OPRM1: variants seen among roughly 807,000 people sequenced by gnomAD.
The protein encoded by OPRM1 is mu-type opioid receptor.
A neutral mutation model predicts 31.8 loss-of-function variants in OPRM1; 27 were observed. The observed-to-expected ratio is 0.85, with a 90% CI of 0.63 to 1.17. The LOEUF (loss-of-function observed/expected upper bound fraction) is 1.17. Ranked by LOEUF, OPRM1 falls within the 50% of genes most tolerant of loss-of-function variation. The pLI, the probability that OPRM1 is intolerant of heterozygous loss-of-function variation, is 0.00. For synonymous variants in OPRM1, 196 were observed against 189.9 expected, an observed-to-expected ratio of 1.03 and a Z score of -0.26; for missense variants, 536 against 511.1, an observed-to-expected ratio of 1.05 and a Z score of -0.47.
At chr6:154,231,745 G>C (rs978596306) in intron 3 of OPRM1, among the ~76,000 whole-genome samples, 14 of 152,188 alleles carry the variant, frequency 9.2e-5, no homozygotes, top group Admixed American at 6.5e-4. Flanking sequence ...GAAGAAAGAG[G>C]ATAGAGAACA....
intron 1 of OPRM1, among the ~76,000 whole-genome samples, chr6:154,076,422 G>A (rs1463983549): frequency 1.3e-5 from 2 of 152,120 alleles, no homozygotes; most frequent in South Asian, 2.1e-4. Flanking sequence ...ATTCATAGAC[G>A]AGGCAGTACA....
intron 3 of OPRM1, among the ~76,000 whole-genome samples, chr6:154,149,962 G>T (rs1247682014): frequency 6.6e-6 from 1 of 152,172 alleles, no homozygotes; most frequent in African/African-American, 2.4e-5. Context: ...TTTTAATGAT[G>T]CTAATAGCCC....
At chr6:154,078,766 C>T (rs1435329095) in intron 1 of OPRM1, among the ~76,000 whole-genome samples, 4 of 152,026 alleles carry the variant, frequency 2.6e-5, no homozygotes, top group Non-Finnish European at 4.4e-5. Context: ...GTGGTCCCAG[C>T]TACTTGGGAG....
Position 154,197,555 on chromosome 6 carries a change from A to T in OPRM1, c.1165-49138A>T, listed in dbSNP as rs145880873. Among the ~76,000 whole-genome samples the T allele has an allele frequency of 5.7e-3, 864 of 152,340 alleles. 5 individuals carry two copies. Among genetic ancestry groups the T allele is most frequent in the African/African-American group, 0.02 (821 of 41,574 alleles). On this transcript the variant is annotated intron_variant, in intron 3 of 3. Coordinates refer to the OPRM1 transcript ENST00000337049. Reference sequence around the variant, plus strand: ...TTGAGCTGTTTGAAGAAGTATACAGATTTTGCTGGTCACTCTGCATGTAAC... The same window carrying T: ...TTGAGCTGTTTGAAGAAGTATACAGTTTTTGCTGGTCACTCTGCATGTAAC...
intron 1 of OPRM1, among the ~76,000 whole-genome samples, chr6:154,079,758 G>A (rs532850808): frequency 6.6e-6 from 1 of 152,202 alleles, no homozygotes; most frequent in African/African-American, 2.4e-5. Context: ...TGCCCAGGCT[G>A]GAGTGCAGTG....
chr6:154,232,451 C>T (rs894347820), intron 3 of OPRM1, among the ~76,000 whole-genome samples: 2 of 151,996 alleles, frequency 1.3e-5, no homozygotes, highest in East Asian at 3.9e-4. Context: ...GAAAATTAAT[C>T]CCATGCCAAG....
upstream of OPRM1, among the ~76,000 whole-genome samples, chr6:154,036,125 C>A (rs565816177): frequency 3.9e-5 from 6 of 152,082 alleles, no homozygotes; most frequent in South Asian, 1.2e-3. Flanking sequence ...CATAGGGAAA[C>A]TCTGAAATAA....
At chr6:154,153,834 C>T (rs749133657) in intron 3 of OPRM1, among the ~76,000 whole-genome samples, 44 of 152,268 alleles carry the variant, frequency 2.9e-4, no homozygotes, top group Middle Eastern at 3.4e-3. Flanking sequence ...AATGGATTCT[C>T]CCCCAGAGCC....
At chr6:154,035,399 A>G (rs996936398), upstream of OPRM1, among the ~76,000 whole-genome samples, 1 of 152,166 alleles carries the variant, frequency 6.6e-6, no homozygotes, top group Non-Finnish European at 1.5e-5. Context: ...CAAGGATAAT[A>G]TTGTATCACA....
At chr6:154,174,101 C>T (rs1800099096) in intron 3 of OPRM1, among the ~76,000 whole-genome samples, 1 of 152,082 alleles carries the variant, frequency 6.6e-6, no homozygotes, top group Non-Finnish European at 1.5e-5. Context: ...GAAATAAAGT[C>T]CTTTACAGAC....
intron 3 of OPRM1, among the ~76,000 whole-genome samples, chr6:154,143,459 A>T (rs1428443878): frequency 6.6e-6 from 1 of 152,252 alleles, no homozygotes; most frequent in Admixed American, 6.5e-5. Context: ...TTTATTCTTC[A>T]TCAGGACAAG....
intron 3 of OPRM1, among the ~76,000 whole-genome samples, chr6:154,109,985 C>A (rs1308593191): frequency 6.6e-6 from 1 of 152,112 alleles, no homozygotes; most frequent in African/African-American, 2.4e-5. Flanking sequence ...TCATCAGTCC[C>A]AGTTAGGCAT....
intron 3 of OPRM1, among the ~76,000 whole-genome samples, chr6:154,172,510 C>T (rs1183083382): frequency 6.6e-6 from 1 of 152,232 alleles, no homozygotes; most frequent in African/African-American, 2.4e-5. Context: ...CTCGGTGGGT[C>T]CCACACCCAT....
chr6:154,100,100 G>C lies in OPRM1; in HGVS notation c.1164+8628G>C, dbSNP rs1348425437. Among the ~76,000 whole-genome samples, 40 of 59,258 alleles carry C rather than the reference G, an allele frequency of 6.8e-4. 15 individuals are homozygous for C. Among genetic ancestry groups the C allele is most frequent in the Non-Finnish European group, 8.2e-4 (26 of 31,582 alleles). 38.9% of individuals were successfully genotyped at this position (59,258 alleles called of 152,430 possible). ...ATCATATTATATATTATCATATTAT[G>C]ATATATATATTATATATTATCATAT... On this transcript the variant is annotated intron_variant, in intron 3 of 3. Transcript: ENST00000330432.
At chr6:154,169,866 T>C (rs1248400895) in intron 3 of OPRM1, among the ~76,000 whole-genome samples, 1 of 152,254 alleles carries the variant, frequency 6.6e-6, no homozygotes, top group Admixed American at 6.5e-5. Flanking sequence ...TCCAAGACTT[T>C]GGAGTATCAG....
chr6:154,143,376 C>G (rs1307449643), intron 3 of OPRM1, among the ~76,000 whole-genome samples: 2 of 152,220 alleles, frequency 1.3e-5, no homozygotes, highest in Non-Finnish European at 2.9e-5. Context: ...TCCTTGACCA[C>G]TACAGCACAC....
At chr6:154,089,653 A>G (rs1791548438) in intron 1 of OPRM1, 173 bp from the exon 2 acceptor site, 2 of 589,780 alleles carry the variant, frequency 3.4e-6, no homozygotes, top group East Asian at 2.8e-5. Context: ...TATTTAGCCA[A>G]TAGGTACATC....
intron 1 of OPRM1, among the ~76,000 whole-genome samples, chr6:154,023,682 G>A (rs147435101): frequency 3.1e-3 from 475 of 152,182 alleles, no homozygotes; most frequent in Non-Finnish European, 5.6e-3. Flanking sequence ...ATAACTGGGG[G>A]TTTGTCATAT....
rs1273757456 is a variant in OPRM1, at chr6:154,127,411, G to T, written c.*8690G>T. 1.3e-5 allele frequency among the ~76,000 whole-genome samples: 2 copies of T among 152,110 alleles called. No individual in the cohort carries two copies. Among genetic ancestry groups the T allele is most frequent in the African/African-American group, 4.8e-5 (2 of 41,420 alleles). ...ACTCTTCAAGGGTTTAGGGGCTTAG[G>T]GGGAGGTTTTGTTTGGGTTTTTTGT... On this transcript the variant is annotated 3_prime_UTR_variant, in exon 4 of 4. Transcript: ENST00000330432.
Sources: allele counts gnomAD v4.1 joint callset (sites outside exome capture counted in the v4.1 genomes callset), GRCh38; gene constraint gnomAD v4.1.1; transcripts MANE v1.5; gene names NCBI Gene and HGNC (gene_info 2026-07-23, HGNC 2026-07-21).